SHISA9: variants seen among roughly 807,000 people sequenced by gnomAD.
SHISA9 encodes protein shisa-9.
SHISA9 carries 13 observed loss-of-function variants against 38.0 expected under a neutral mutation model. The observed-to-expected ratio is 0.34, with a 90% CI of 0.22 to 0.54. The LOEUF is 0.54. SHISA9 is among the 20% of genes least tolerant of loss of function. SHISA9 has a pLI of 0.91. For synonymous variants in SHISA9, 275 were observed against 242.0 expected (o/e 1.14, Z -1.27); for missense variants, 538 against 575.8 (o/e 0.93, Z 0.67).
intron 2 of SHISA9, among the ~76,000 whole-genome samples, chr16:13,192,357 A>C (rs1382446731): frequency 1.3e-5 from 2 of 152,118 alleles, no homozygotes; most frequent in Non-Finnish European, 2.9e-5. Flanking sequence ...ATATGCACAA[A>C]TATGTATCTA....
chr16:13,224,294 C>T (rs2051257888), intron 4 of SHISA9, among the ~76,000 whole-genome samples: 1 of 152,172 alleles, frequency 6.6e-6, no homozygotes, highest in Admixed American at 6.5e-5. Flanking sequence ...TTCCCCCGAG[C>T]TAGGTCTGCT....
At chr16:13,472,552 C>T in the SHISA9 span, among the ~76,000 whole-genome samples, 59 of 151,708 alleles carry the variant, frequency 3.9e-4, no homozygotes, top group Non-Finnish European at 7.7e-4. Flanking sequence ...CCACCAAGCC[C>T]GGTTAATTTT....
chr16:13,400,204 C>A, the SHISA9 span, among the ~76,000 whole-genome samples: 2 of 152,180 alleles, frequency 1.3e-5, no homozygotes, highest in African/African-American at 4.8e-5. Context: ...TGTCCCATTT[C>A]TCTTGCCTCT....
chr16:13,113,682 C>G (rs1439021137), intron 2 of SHISA9, among the ~76,000 whole-genome samples: 1 of 152,146 alleles, frequency 6.6e-6, no homozygotes, highest in Non-Finnish European at 1.5e-5. Flanking sequence ...AGGGACCCAG[C>G]CAAGGAATTG....
intron 1 of SHISA9, chr16:12,910,540 G>A (rs1273326623): frequency 9.1e-6 from 9 of 985,282 alleles, no homozygotes; most frequent in Non-Finnish European, 1.1e-5. Flanking sequence ...GAAAGTACTG[G>A]TTCTAGTACT....
At chr16:13,512,650 C>G in the SHISA9 span, among the ~76,000 whole-genome samples, 2 of 152,058 alleles carry the variant, frequency 1.3e-5, no homozygotes, top group Non-Finnish European at 2.9e-5. Context: ...GGTACTGGTA[C>G]CAAAACAGAC....
chr16:13,173,721 T>C (rs1567235265), intron 2 of SHISA9, among the ~76,000 whole-genome samples: 1 of 152,126 alleles, frequency 6.6e-6, no homozygotes, highest in African/African-American at 2.4e-5. Flanking sequence ...AAGATGTCAA[T>C]TGTGCCGAGA....
At chr16:13,554,455 T>C in the SHISA9 span, among the ~76,000 whole-genome samples, 3 of 151,874 alleles carry the variant, frequency 2.0e-5, no homozygotes, top group Non-Finnish European at 4.4e-5. Context: ...GTAAAATCTC[T>C]GTGACACAAG....
the SHISA9 span, among the ~76,000 whole-genome samples, chr16:13,508,262 T>C: frequency 6.6e-6 from 1 of 152,242 alleles, no homozygotes; most frequent in South Asian, 2.1e-4. Flanking sequence ...TTTCCATGTG[T>C]CATTAACTAC....
chr16:13,077,148 C>A (rs928291543), intron 2 of SHISA9, among the ~76,000 whole-genome samples: 3 of 152,160 alleles, frequency 2.0e-5, no homozygotes, highest in African/African-American at 7.2e-5. Flanking sequence ...CGCCTTTCAC[C>A]CTGGACTGAA....
chr16:13,508,565 G>T, the SHISA9 span, among the ~76,000 whole-genome samples: 2 of 152,208 alleles, frequency 1.3e-5, no homozygotes, highest in African/African-American at 4.8e-5. Flanking sequence ...CAATAGCGTT[G>T]CCAGCATTAA....
rs371605770 is a variant in SHISA9, at chr16:13,185,723, T to C, written c.692-17671T>C. ...GTCTTGTCCATTTTTCTTTCCTCAGTACCCAGAATGATGCCTAGCCTAGGA... is the reference window on the plus strand; with the variant it reads ...GTCTTGTCCATTTTTCTTTCCTCAGCACCCAGAATGATGCCTAGCCTAGGA... On this transcript the variant is annotated intron_variant, in intron 2 of 4. Transcript: ENST00000558583. 2.6e-5 allele frequency among the ~76,000 whole-genome samples: 4 copies of C among 152,192 alleles called. No individual in the cohort carries two copies. In the East Asian group the frequency reaches 7.7e-4, roughly 29 times the overall value.
chr16:13,473,128 G>A, the SHISA9 span, among the ~76,000 whole-genome samples: 2 of 151,976 alleles, frequency 1.3e-5, no homozygotes, highest in African/African-American at 4.8e-5. Context: ...GTTTTGTTAT[G>A]GGGCACAGTT....
chr16:12,925,473 G>GTGTGTGTGTGTGTGTGTGTGTA (rs113968316), intron 2 of SHISA9, among the ~76,000 whole-genome samples: 56 of 150,604 alleles, frequency 3.7e-4, no homozygotes, highest in East Asian at 7.8e-4. Flanking sequence ...GTGTGTGTGT[G>GTGTGTGTGTGTGTGTGTGTGTA]CAAGCAACAG....
At chr16:13,481,598 T>C in the SHISA9 span, among the ~76,000 whole-genome samples, 100,138 of 152,042 alleles carry the variant, frequency 0.66, 34,424 homozygotes, top group East Asian at 0.95. Context: ...CTGTAAACAC[T>C]GTGAGACCAG....
Position 13,235,388 on chromosome 16 carries a change from C to A in SHISA9, c.1254C>A (p.Ser418Arg). Reference sequence around the variant, plus strand: ...CACAGCCATACTTCATCACCAACAGCAAAACAGAAGTGACTGTCTGAGCTT... The same window carrying A: ...CACAGCCATACTTCATCACCAACAGAAAAACAGAAGTGACTGTCTGAGCTT... ...PPPQPYFITN[S>R]KTEVTV The change falls in exon 5 of 5, where the codon AGC becomes AGA. Residue 418 changes from serine (S) to arginine (R), a missense_variant. Ser to Arg is a moderately radical substitution (Grantham distance 110). Transcript: ENST00000558583. The A allele has an allele frequency of 6.5e-7, 1 of 1,538,354 alleles. No individual in the cohort carries two copies. Among genetic ancestry groups the A allele is most frequent in the Non-Finnish European group, 8.7e-7 (1 of 1,146,608 alleles).
Position 13,235,596 on chromosome 16 carries a change from G to A in SHISA9, c.*187G>A. 1.4e-6 allele frequency: 1 copy of A among 716,242 alleles called. No homozygotes were observed. Among genetic ancestry groups the A allele is most frequent in the Non-Finnish European group, 2.2e-6 (1 of 455,844 alleles). 44.4% of individuals were successfully genotyped at this position (716,242 alleles called of 1,614,324 possible). ...CCTAGGTCATGCCTGTAACGTGTCG[G>A]CGGGCAGCTGAGAAAGACCGAAGCG... On this transcript the variant is annotated 3_prime_UTR_variant, in exon 5 of 5. Transcript: ENST00000558583.
At chr16:13,445,911 T>A in the SHISA9 span, among the ~76,000 whole-genome samples, 1 of 152,190 alleles carries the variant, frequency 6.6e-6, no homozygotes, top group Non-Finnish European at 1.5e-5. Flanking sequence ...TGCCCTCATT[T>A]GAGAGTCAAA....
At chr16:13,357,383 G>A in the SHISA9 span, among the ~76,000 whole-genome samples, 1 of 152,122 alleles carries the variant, frequency 6.6e-6, no homozygotes, top group Non-Finnish European at 1.5e-5. Context: ...GAGGTTGAGG[G>A]ATAGTGAGGG....
Sources: allele counts gnomAD v4.1 joint callset (sites outside exome capture counted in the v4.1 genomes callset), GRCh38; gene constraint gnomAD v4.1.1; transcripts MANE v1.5; gene names NCBI Gene and HGNC (gene_info 2026-07-23, HGNC 2026-07-21).